IMMP2L: variants seen among roughly 807,000 people sequenced by gnomAD.
IMMP2L encodes mitochondrial inner membrane protease subunit 2.
Under a neutral mutation model 19.3 loss-of-function variants are expected in IMMP2L, and 18 were observed. The ratio of observed to expected loss-of-function variants is 0.93; its 90% confidence interval spans 0.64 to 1.38. IMMP2L has a LOEUF of 1.38. IMMP2L is among the 40% of genes most tolerant of loss of function. The pLI is 0.00. For missense variants in IMMP2L, 233 were observed against 218.2 expected (o/e 1.07, Z -0.43); for synonymous variants, 76 against 73.0 (o/e 1.04, Z -0.21).
At chr7:111,276,540 A>G (rs921846683) in intron 3 of IMMP2L, among the ~76,000 whole-genome samples, 4 of 149,564 alleles carry the variant, frequency 2.7e-5, no homozygotes, top group African/African-American at 9.9e-5. Flanking sequence ...CTTCTTTATT[A>G]TTTGGTAGAA....
intron 3 of IMMP2L, among the ~76,000 whole-genome samples, chr7:111,169,921 G>C (rs1274905418): frequency 6.6e-6 from 1 of 151,754 alleles, no homozygotes; most frequent in African/African-American, 2.4e-5. Flanking sequence ...TGTTGTTCAT[G>C]GTGGTATTTG....
chr7:111,135,211 T>A (rs1802218105), intron 3 of IMMP2L, among the ~76,000 whole-genome samples: 1 of 152,124 alleles, frequency 6.6e-6, no homozygotes, highest in Admixed American at 6.6e-5. Flanking sequence ...CCCCTGATTT[T>A]GAAACTAAAA....
At chr7:111,420,338 T>C (rs1835370021) in intron 3 of IMMP2L, among the ~76,000 whole-genome samples, 1 of 151,778 alleles carries the variant, frequency 6.6e-6, no homozygotes, top group African/African-American at 2.4e-5. Context: ...AATTCCGAAC[T>C]TCTCTGACCA....
At chr7:110,667,286 G>T (rs1003785746) in intron 5 of IMMP2L, among the ~76,000 whole-genome samples, 1 of 151,884 alleles carries the variant, frequency 6.6e-6, no homozygotes, top group Non-Finnish European at 1.5e-5. Flanking sequence ...ACCCATTTTT[G>T]ATTCCATTTT....
intron 3 of IMMP2L, among the ~76,000 whole-genome samples, chr7:111,400,558 C>T (rs1833326065): frequency 6.6e-6 from 1 of 152,072 alleles, no homozygotes. Context: ...TTAAAATGTT[C>T]TCACCTTGTG....
chr7:111,270,104 C>T (rs1818297220), intron 3 of IMMP2L, among the ~76,000 whole-genome samples: 1 of 149,662 alleles, frequency 6.7e-6, no homozygotes, highest in Admixed American at 6.7e-5. Context: ...TGTATCCTCC[C>T]CACTGATTTG....
At chr7:111,147,228 C>CTGTTGT (rs997575216) in intron 3 of IMMP2L, among the ~76,000 whole-genome samples, 12 of 151,950 alleles carry the variant, frequency 7.9e-5, no homozygotes, top group Non-Finnish European at 1.5e-4. Flanking sequence ...GTTGTTGTTG[C>CTGTTGT]TGTTGTTGTT....
At chr7:111,135,749 A>G (rs1802275032) in intron 3 of IMMP2L, among the ~76,000 whole-genome samples, 1 of 152,174 alleles carries the variant, frequency 6.6e-6, no homozygotes, top group Non-Finnish European at 1.5e-5. Flanking sequence ...AGAAGGCCTC[A>G]TATTCTCCCT....
chr7:111,139,388 A>T (rs1290276525), intron 3 of IMMP2L, among the ~76,000 whole-genome samples: 2 of 152,068 alleles, frequency 1.3e-5, no homozygotes, highest in African/African-American at 4.8e-5. Context: ...CAGAGACTGG[A>T]CTAGATTGGT....
At chr7:111,508,713 C>G (rs888190209) in intron 2 of IMMP2L, among the ~76,000 whole-genome samples, 1 of 151,904 alleles carries the variant, frequency 6.6e-6, no homozygotes, top group South Asian at 2.1e-4. Flanking sequence ...AAGGTGGGCA[C>G]GACAGAGTAG....
At chr7:110,953,319 C>A (rs1818022826) in intron 4 of IMMP2L, among the ~76,000 whole-genome samples, 1 of 151,732 alleles carries the variant, frequency 6.6e-6, no homozygotes, top group Non-Finnish European at 1.5e-5. Context: ...CTCTCCTTGT[C>A]CCCCACCCCC....
rs368675635 is a variant in IMMP2L at position 111,104,194 on chromosome 7, G to A, written c.240-140629C>T. On this transcript the variant is annotated intron_variant, in intron 3 of 5. Coordinates refer to ENST00000405709, the MANE Select transcript of IMMP2L (RefSeq NM_032549.4). ...ATGCACATACCTGCCTTTACTATTCGCATCTTGAGCCAATTTTGCAGAGTT... is the reference window on the plus strand; with the variant it reads ...ATGCACATACCTGCCTTTACTATTCACATCTTGAGCCAATTTTGCAGAGTT... 5.1e-4 allele frequency among the ~76,000 whole-genome samples: 78 copies of A among 151,480 alleles called. 1 individual carries two copies. Among genetic ancestry groups the A allele is most frequent in the African/African-American group, 1.7e-3 (71 of 41,400 alleles).
chr7:110,900,838 G>A (rs184000868), intron 4 of IMMP2L, among the ~76,000 whole-genome samples: 1 of 152,148 alleles, frequency 6.6e-6, no homozygotes, highest in African/African-American at 2.4e-5. Flanking sequence ...GTGGTGGGAG[G>A]CGGTATGTGT....
intron 2 of IMMP2L, among the ~76,000 whole-genome samples, chr7:111,500,350 G>A (rs1844075137): frequency 6.6e-6 from 1 of 152,308 alleles, no homozygotes; most frequent in Admixed American, 6.5e-5. Flanking sequence ...AAGGAGGCCT[G>A]CCTGCCTCTG....
rs1841945880 is a variant in IMMP2L, at chr7:111,478,884, AATTAT to A, written c.239+8349_239+8353del. On this transcript the variant is annotated intron_variant, in intron 3 of 5. Coordinates refer to ENST00000405709, the MANE Select transcript of IMMP2L (RefSeq NM_032549.4). ...AAATGCCAAGTGTTGCGTATAAAAA[AATTAT>A]AGAAACTCTGCATGATGTCTCTTGC... Among the ~76,000 whole-genome samples the A allele has an allele frequency of 2.6e-5, 4 of 152,326 alleles. No homozygotes were observed. The South Asian group carries it at 8.3e-4, about 32-fold the overall frequency.
At chr7:110,941,513 T>C (rs1281262024) in intron 4 of IMMP2L, among the ~76,000 whole-genome samples, 3 of 152,182 alleles carry the variant, frequency 2.0e-5, no homozygotes, top group Admixed American at 1.3e-4. Flanking sequence ...CATTTAAGCA[T>C]ATAGTCAATG....
intron 5 of IMMP2L, among the ~76,000 whole-genome samples, chr7:110,883,842 C>T (rs929033012): frequency 5.3e-5 from 8 of 151,920 alleles, no homozygotes; most frequent in Admixed American, 3.3e-4. Context: ...CAGTTGCTCT[C>T]AATTTAAAGC....
intron 3 of IMMP2L, among the ~76,000 whole-genome samples, chr7:111,041,309 G>A (rs996066895): frequency 2.0e-5 from 3 of 151,992 alleles, no homozygotes; most frequent in African/African-American, 4.8e-5. Flanking sequence ...AACTAAATTT[G>A]TTTCACAAAA....
intron 3 of IMMP2L, among the ~76,000 whole-genome samples, chr7:111,363,016 A>G (rs1261201572): frequency 6.6e-6 from 1 of 152,074 alleles, no homozygotes; most frequent in Non-Finnish European, 1.5e-5. Flanking sequence ...TCATATACAA[A>G]TTTGAAGACC....
Sources: gnomAD v4.1 joint callset for allele counts (sites outside exome capture counted in the v4.1 genomes callset) on GRCh38, gnomAD v4.1.1 for gene constraint, MANE v1.5 for transcripts, NCBI Gene and HGNC (gene_info 2026-07-23, HGNC 2026-07-21) for gene names.